FGL1: variants seen among roughly 807,000 people sequenced by gnomAD.
FGL1 encodes the protein fibrinogen like 1.
Under a neutral mutation model 43.7 loss-of-function variants are expected in FGL1, and 59 were observed. That is an observed-to-expected ratio of 1.35 (90% CI 1.10 to 1.68). The LOEUF is 1.68. Among genes scored for constraint, FGL1 ranks in the 40% most tolerant of loss-of-function variants. The pLI is 0.00. For synonymous variants in FGL1, 192 were observed against 126.5 expected, an observed-to-expected ratio of 1.52 and a Z score of -3.48; for missense variants, 596 against 373.0, an observed-to-expected ratio of 1.60 and a Z score of -4.92.
chr8:17,890,566 T>C (rs1180839006), intron 1 of FGL1, among the ~76,000 whole-genome samples: 1 of 152,186 alleles, frequency 6.6e-6, no homozygotes, highest in Non-Finnish European at 1.5e-5. Context: ...TTCCCAGAGA[T>C]ACCTTCCCTG....
intron 1 of FGL1, among the ~76,000 whole-genome samples, chr8:17,889,862 C>G (rs1197559798): frequency 6.6e-6 from 1 of 152,156 alleles, no homozygotes; most frequent in Non-Finnish European, 1.5e-5. Context: ...ATAGGAAGAA[C>G]ACACTTGAAA....
chr8:17,879,477 T>C (rs188757201), intron 3 of FGL1, among the ~76,000 whole-genome samples: 6 of 152,214 alleles, frequency 3.9e-5, no homozygotes, highest in Admixed American at 3.3e-4. Context: ...GATTGGCTCA[T>C]GGGGGTGGAG....
intron 2 of FGL1, among the ~76,000 whole-genome samples, chr8:17,884,433 G>A (rs529655136): frequency 1.6e-4 from 25 of 152,044 alleles, no homozygotes; most frequent in Non-Finnish European, 2.8e-4. Flanking sequence ...GGCTTCAAGC[G>A]ATCCACCCAC....
chr8:17,882,087 C>T lies in FGL1; in HGVS notation c.156G>A (p.Lys52=). Residue 52 remains lysine, a synonymous_variant, in exon 3 of 8, where the codon AAG becomes AAA. Coordinates refer to ENST00000427924, the MANE Select transcript of FGL1 (RefSeq NM_004467.4). The part of the protein sequence containing the change: ...TRVKQQQVKI[K]QLLQENEVQF... Reference sequence around the variant, plus strand: ...GGACTTCATTCTCCTGCAAAAGCTGCTTGATCTTGACCTGTTGCTGTTTGA... The same window carrying T: ...GGACTTCATTCTCCTGCAAAAGCTGTTTGATCTTGACCTGTTGCTGTTTGA... 1 of 1,614,058 alleles carries T rather than the reference C, an allele frequency of 6.2e-7. No individual in the cohort carries two copies. Among genetic ancestry groups the T allele is most frequent in the South Asian group, 1.1e-5 (1 of 91,082 alleles).
rs536295511 is a variant in FGL1, at chr8:17,864,465, G to A, written c.*127C>T. On this transcript the variant is annotated 3_prime_UTR_variant, in exon 8 of 8. Coordinates refer to ENST00000427924, the MANE Select transcript of FGL1 (RefSeq NM_004467.4). ...AAAGCACATTAAGTAACAAAGGCAAGTGAGAAGAATGAAAAGCACTACTCA... is the reference window on the plus strand; with the variant it reads ...AAAGCACATTAAGTAACAAAGGCAAATGAGAAGAATGAAAAGCACTACTCA... 9 of 980,266 alleles carry A rather than the reference G, an allele frequency of 9.2e-6. No homozygotes were observed. Among genetic ancestry groups the A allele is most frequent in the South Asian group, 5.7e-5 (3 of 52,920 alleles). 60.7% of individuals were successfully genotyped at this position (980,266 alleles called of 1,614,324 possible).
At chr8:17,884,722 A>G (rs1219201733) in intron 2 of FGL1, among the ~76,000 whole-genome samples, 5 of 152,202 alleles carry the variant, frequency 3.3e-5, no homozygotes, top group Admixed American at 2.6e-4. Flanking sequence ...TGAAGACATC[A>G]CAGGTCAAGT....
intron 3 of FGL1, among the ~76,000 whole-genome samples, chr8:17,876,255 C>T (rs757550947): frequency 9.9e-5 from 15 of 151,982 alleles, no homozygotes; most frequent in Non-Finnish European, 2.2e-4. Context: ...AACAAATGTT[C>T]ATTGTTTTGA....
intron 1 of FGL1, among the ~76,000 whole-genome samples, chr8:17,893,457 A>C (rs1211074142): frequency 6.7e-6 from 1 of 150,304 alleles, no homozygotes; most frequent in East Asian, 1.9e-4. Flanking sequence ...AGGTATATAA[A>C]TATTGCTTAG....
At chr8:17,885,681 T>C (rs1309167140) in intron 1 of FGL1, 110 bp from the exon 2 acceptor site, 1 of 811,646 alleles carries the variant, frequency 1.2e-6, no homozygotes, top group Non-Finnish European at 2.0e-6. Context: ...AGGCCATCCC[T>C]AATCTTAGAG....
intron 2 of FGL1, among the ~76,000 whole-genome samples, chr8:17,882,961 CATATATAATATATTAAAT>C (rs2053564638): frequency 1.1e-5 from 1 of 92,872 alleles, no homozygotes. Flanking sequence ...TAATATATAT[CATATATAATATATTAAAT>C]ATATAATATA....
chr8:17,867,168 G>A (rs2053281229), intron 7 of FGL1, among the ~76,000 whole-genome samples: 1 of 152,160 alleles, frequency 6.6e-6, no homozygotes, highest in East Asian at 1.9e-4. Flanking sequence ...ACCCCTAGTG[G>A]ATGCCTGAAA....
At chr8:17,869,206 A>G (rs141817672) in intron 5 of FGL1, among the ~76,000 whole-genome samples, 89 of 152,324 alleles carry the variant, frequency 5.8e-4, no homozygotes, top group African/African-American at 1.9e-3. Context: ...AAAATGATGG[A>G]TACAATATTA....
chr8:17,891,223 T>C (rs2053700330), intron 1 of FGL1: 1 of 152,190 alleles, frequency 6.6e-6, no homozygotes, highest in Non-Finnish European at 1.5e-5. Context: ...ATAAACTGAG[T>C]GGCCTAAAAC....
intron 1 of FGL1, among the ~76,000 whole-genome samples, chr8:17,891,050 T>C (rs2131748173): frequency 6.6e-6 from 1 of 152,288 alleles, no homozygotes; most frequent in Middle Eastern, 3.4e-3. Flanking sequence ...CCAAATATAA[T>C]GAAATATTAT....
At chr8:17,884,301 T>C (rs149404998) in intron 2 of FGL1, among the ~76,000 whole-genome samples, 1 of 152,056 alleles carries the variant, frequency 6.6e-6, no homozygotes, top group African/African-American at 2.4e-5. Flanking sequence ...AAGCGATTCT[T>C]GTGCTTCATC....
intron 1 of FGL1, 179 bp downstream of exon 1, chr8:17,895,268 C>A: frequency 9.9e-7 from 1 of 1,010,794 alleles, no homozygotes; most frequent in East Asian, 7.6e-5. Flanking sequence ...ATATCTGTAA[C>A]AAAAGATACA....
intron 1 of FGL1, among the ~76,000 whole-genome samples, chr8:17,887,519 T>C (rs1165727063): frequency 6.6e-6 from 1 of 152,154 alleles, no homozygotes. Context: ...TAGCAATTAG[T>C]CATGACTTAA....
intron 3 of FGL1, among the ~76,000 whole-genome samples, chr8:17,881,572 G>A (rs1019632384): frequency 5.4e-5 from 8 of 148,768 alleles, no homozygotes; most frequent in Non-Finnish European, 8.9e-5. Flanking sequence ...GGTGGCTCAC[G>A]CCTGTAATCC....
chr8:17,869,492 G>A (rs2053324163), intron 5 of FGL1, among the ~76,000 whole-genome samples: 1 of 152,114 alleles, frequency 6.6e-6, no homozygotes, highest in Non-Finnish European at 1.5e-5. Flanking sequence ...CCTGAACTTG[G>A]TTATTTTCCT....
Sources: gnomAD v4.1 joint callset for allele counts (sites outside exome capture counted in the v4.1 genomes callset) on GRCh38, gnomAD v4.1.1 for gene constraint, MANE v1.5 for transcripts, NCBI Gene and HGNC (gene_info 2026-07-23, HGNC 2026-07-21) for gene names.